The following SCN8A variants were observed in gnomAD, a reference collection of about 807,000 sequenced individuals.
SCN8A encodes sodium channel protein type 8 subunit alpha.
SCN8A carries 30 observed loss-of-function variants against 184.1 expected under a neutral mutation model. The observed-to-expected ratio is 0.16, with a 90% CI of 0.12 to 0.22. The LOEUF is 0.22. Among genes scored for constraint, SCN8A ranks in the 10% least tolerant of loss-of-function variants. The pLI is 1.00. For synonymous variants in SCN8A, 852 were observed against 907.0 expected, an observed-to-expected ratio of 0.94 and a Z score of 1.09; for missense variants, 1,057 against 2,498.9, an observed-to-expected ratio of 0.42 and a Z score of 12.30.
intron 2 of SCN8A, among the ~76,000 whole-genome samples, chr12:51,676,731 T>G (rs999343055): frequency 2.6e-5 from 4 of 152,196 alleles, no homozygotes; most frequent in Admixed American, 6.5e-5. Context: ...TTGCCAGTAA[T>G]AGTTATAGTC....
intron 1 of SCN8A, among the ~76,000 whole-genome samples, chr12:51,594,775 A>G (rs1939308719): frequency 6.6e-6 from 1 of 152,150 alleles, no homozygotes; most frequent in Non-Finnish European, 1.5e-5. Context: ...TCTGTGTTTT[A>G]TTATGTTTTT....
chr12:51,745,852 C>T, intron 12 of SCN8A, 51 bp from the exon 13 acceptor site: 2 of 1,458,912 alleles, frequency 1.4e-6, no homozygotes, highest in Admixed American at 2.6e-5. Context: ...CCCAGATTTA[C>T]CTTTATAGAC....
chr12:51,701,572 C>A (rs937633811), intron 8 of SCN8A, among the ~76,000 whole-genome samples: 8 of 152,138 alleles, frequency 5.3e-5, no homozygotes, highest in African/African-American at 1.9e-4. Flanking sequence ...ATATGCTTGA[C>A]CTGACAGCAT....
chr12:51,657,109 A>G (rs377042443), intron 1 of SCN8A, among the ~76,000 whole-genome samples: 2 of 152,164 alleles, frequency 1.3e-5, no homozygotes, highest in African/African-American at 4.8e-5. Flanking sequence ...CCATCAACAG[A>G]TGAATGTGTA....
At chr12:51,629,109 G>A (rs759405704) in intron 1 of SCN8A, among the ~76,000 whole-genome samples, 18 of 152,308 alleles carry the variant, frequency 1.2e-4, no homozygotes, top group African/African-American at 2.2e-4. Flanking sequence ...GTGAAAGCTC[G>A]TAGAGGCAAA....
At chr12:51,706,810 G>A (rs12315039) in intron 11 of SCN8A, 95 bp downstream of exon 11, 4 of 929,226 alleles carry the variant, frequency 4.3e-6, no homozygotes, top group Non-Finnish European at 6.1e-6. Context: ...ACCATTTTAA[G>A]TGTACCGTTC....
At chr12:51,664,621 CA>C (rs1489785342) in intron 2 of SCN8A, among the ~76,000 whole-genome samples, 1 of 152,172 alleles carries the variant, frequency 6.6e-6, no homozygotes, top group African/African-American at 2.4e-5. Flanking sequence ...TAATTTTCGG[CA>C]AGACACTTCA....
At chr12:51,709,177 A>C (rs1941832020) in intron 11 of SCN8A, among the ~76,000 whole-genome samples, 1 of 152,204 alleles carries the variant, frequency 6.6e-6, no homozygotes, top group East Asian at 1.9e-4. Flanking sequence ...TTAGAAGGGA[A>C]GCATATTCCA....
At chr12:51,718,325 AT>A (rs756388360) in intron 11 of SCN8A, among the ~76,000 whole-genome samples, 1 of 151,420 alleles carries the variant, frequency 6.6e-6, no homozygotes, top group African/African-American at 2.4e-5. Context: ...ATTAAAAAAA[AT>A]TTTTTTTTAA....
At chr12:51,770,780 A>C in intron 19 of SCN8A, 97 bp downstream of exon 19, 1 of 1,283,578 alleles carries the variant, frequency 7.8e-7, no homozygotes. Flanking sequence ...TGGCTCTGAA[A>C]ACAGATTGGC....
Position 51,706,473 on chromosome 12 carries a change from G to A in SCN8A, c.1393G>A (p.Glu465Lys), listed in dbSNP as rs866117094. ...AGTVSEDAIE[E>K]EGEEGGGSPR... ...AACTGTCTCAGAAGATGCCATAGAG[G>A]AAGAAGGTGAAGAAGGAGGGGGCTC... is the stretch of plus-strand genomic sequence containing the variant. The change falls in exon 11 of 27, where the codon GAA (glutamate) becomes AAA (lysine). Residue 465 changes from glutamate to lysine, a missense_variant. Physicochemically the swap from Glu to Lys is moderately conservative, Grantham distance 56. This residue lies in a region of SCN8A where 322 missense variants were observed against 390.1 expected (regional missense o/e 0.83). Transcript: ENST00000627620. 1 of 1,604,932 alleles carries A rather than the reference G, an allele frequency of 6.2e-7. No individual in the cohort carries two copies. The highest frequency in any genetic ancestry group is 8.5e-7 in the Non-Finnish European group (1 of 1,175,830).
intron 1 of SCN8A, among the ~76,000 whole-genome samples, chr12:51,648,528 T>C (rs533001509): frequency 5.3e-5 from 8 of 152,282 alleles, no homozygotes; most frequent in Admixed American, 1.3e-4. Flanking sequence ...GGACTCACAG[T>C]TCCATATGGC....
At chr12:51,760,154 TTATATA>T (rs1942741167) in intron 14 of SCN8A, among the ~76,000 whole-genome samples, 1 of 152,214 alleles carries the variant, frequency 6.6e-6, no homozygotes, top group South Asian at 2.1e-4. Flanking sequence ...TAGCAGACAC[TTATATA>T]TAATTGCTGA....
chr12:51,695,348 C>T (rs77654708), intron 6 of SCN8A, among the ~76,000 whole-genome samples: 1 of 152,310 alleles, frequency 6.6e-6, no homozygotes, highest in African/African-American at 2.4e-5. Context: ...GTCTTTTTAG[C>T]TTCCTTGACT....
chr12:51,718,879 G>A (rs1460976287), intron 11 of SCN8A, among the ~76,000 whole-genome samples: 1 of 152,146 alleles, frequency 6.6e-6, no homozygotes, highest in Admixed American at 6.6e-5. Context: ...GCTTTTTGAT[G>A]TCCTCAGAAA....
chr12:51,742,766 T>C (rs1208280305), intron 12 of SCN8A, among the ~76,000 whole-genome samples: 4 of 152,284 alleles, frequency 2.6e-5, no homozygotes, highest in Non-Finnish European at 4.4e-5. Flanking sequence ...TTTTCTGTTA[T>C]TATTCCTTTG....
At chr12:51,635,017 T>C (rs190579234) in intron 1 of SCN8A, among the ~76,000 whole-genome samples, 27 of 152,322 alleles carry the variant, frequency 1.8e-4, no homozygotes, top group Non-Finnish European at 3.5e-4. Flanking sequence ...TGACAAATAG[T>C]GATTTTTCAA....
chr12:51,699,488 G>T, intron 6 of SCN8A, 82 bp from the exon 7 acceptor site: 5 of 966,556 alleles, frequency 5.2e-6, no homozygotes, highest in Non-Finnish European at 7.8e-6. Context: ...GGGAGGAGTA[G>T]CAGCCAGTGG....
rs1253073802 is a variant in SCN8A, at chr12:51,684,163, T to C, written c.277-11T>C. The C allele has an allele frequency of 7.6e-7, 1 of 1,312,634 alleles. No homozygotes were observed. Among genetic ancestry groups the C allele is most frequent in the East Asian group, 2.3e-5 (1 of 43,474 alleles). 81.3% of individuals were successfully genotyped at this position (1,312,634 alleles called of 1,614,324 possible). On this transcript the variant is annotated splice_polypyrimidine_tract_variant and intron_variant, in intron 2 of 26. Coordinates refer to ENST00000627620, the MANE Select transcript of SCN8A (RefSeq NM_001330260.2). ...TGCTTTAATAATTTCTCTCTCTTTCTTTCTCCACAGACCTTTGTAGTATTA... is the reference window on the plus strand; with the variant it reads ...TGCTTTAATAATTTCTCTCTCTTTCCTTCTCCACAGACCTTTGTAGTATTA...
Sources: allele counts gnomAD v4.1 joint callset (sites outside exome capture counted in the v4.1 genomes callset), GRCh38; gene constraint gnomAD v4.1.1; regional missense constraint gnomAD v4.1.1; transcripts MANE v1.5; gene names NCBI Gene and HGNC (gene_info 2026-07-23, HGNC 2026-07-21).